Variants in NDUFA5 observed in about 807,000 individuals in gnomAD.
NDUFA5 encodes the protein NADH:ubiquinone oxidoreductase subunit A5, also known as NADH dehydrogenase [ubiquinone] 1 alpha subcomplex subunit 5.
A neutral mutation model predicts 19.8 loss-of-function variants in NDUFA5; 11 were observed. That is an observed-to-expected ratio of 0.56 (90% CI 0.35 to 0.92). The LOEUF is 0.92. Among genes scored for constraint, NDUFA5 ranks in the 40% least tolerant of loss-of-function variants. The pLI is 0.01. For synonymous variants in NDUFA5, 47 were observed against 46.8 expected (o/e 1.00, Z -0.01); for missense variants, 109 against 134.2 (o/e 0.81, Z 0.93).
chr7:123,547,538 A>G (rs1247504958), intron 3 of NDUFA5, among the ~76,000 whole-genome samples: 8 of 152,204 alleles, frequency 5.3e-5, no homozygotes, highest in Non-Finnish European at 7.4e-5. Context: ...TTGGTTAAAG[A>G]AGTGAATACA....
chr7:123,546,732 T>A, intron 3 of NDUFA5: 1 of 1,266,728 alleles, frequency 7.9e-7, no homozygotes, highest in Non-Finnish European at 1.0e-6. Flanking sequence ...GGTATCTGCA[T>A]CACTTGTTTC....
chr7:123,600,865 C>G, the NDUFA5 span, among the ~76,000 whole-genome samples: 9 of 151,766 alleles, frequency 5.9e-5, no homozygotes, highest in Non-Finnish European at 1.0e-4. Flanking sequence ...AGAGATGAGA[C>G]GAAAAACAAA....
chr7:123,557,713 G>T, intron 1 of NDUFA5, 62 bp downstream of exon 1: 1 of 1,613,994 alleles, frequency 6.2e-7, no homozygotes, highest in Non-Finnish European at 8.5e-7. Flanking sequence ...CGGGAAGTAG[G>T]GCTATCGGAC....
chr7:123,568,334 G>T, the NDUFA5 span, among the ~76,000 whole-genome samples: 1 of 151,692 alleles, frequency 6.6e-6, no homozygotes, highest in Admixed American at 6.6e-5. Context: ...CCAACGTGGA[G>T]AAACCCCATC....
chr7:123,590,732 T>A, the NDUFA5 span, among the ~76,000 whole-genome samples: 1 of 152,190 alleles, frequency 6.6e-6, no homozygotes, highest in African/African-American at 2.4e-5. Flanking sequence ...TCAGGTAGCG[T>A]GATGCCTCCA....
At chr7:123,581,082 C>A in the NDUFA5 span, among the ~76,000 whole-genome samples, 2 of 151,852 alleles carry the variant, frequency 1.3e-5, no homozygotes, top group Non-Finnish European at 2.9e-5. Flanking sequence ...TTAAAAATGG[C>A]TTGTATTTAC....
At chr7:123,553,178 T>C (rs1798419013) in intron 2 of NDUFA5, among the ~76,000 whole-genome samples, 1 of 152,328 alleles carries the variant, frequency 6.6e-6, no homozygotes, top group African/African-American at 2.4e-5. Context: ...AGTGTACTTA[T>C]CTGTTCTCAT....
chr7:123,568,805 T>A, the NDUFA5 span, among the ~76,000 whole-genome samples: 4 of 152,100 alleles, frequency 2.6e-5, no homozygotes, highest in Non-Finnish European at 2.9e-5. Context: ...GTAATTATTT[T>A]AAAAATGAAT....
chr7:123,555,248 T>C (rs192441291), intron 2 of NDUFA5: 1 of 152,284 alleles, frequency 6.6e-6, no homozygotes, highest in East Asian at 1.9e-4. Context: ...GAAAATCATA[T>C]GATTAGATTA....
the NDUFA5 span, among the ~76,000 whole-genome samples, chr7:123,594,325 G>T: frequency 6.6e-6 from 1 of 152,038 alleles, no homozygotes; most frequent in African/African-American, 2.4e-5. Flanking sequence ...TCCCTTGCTG[G>T]CAAGGAGTTG....
the NDUFA5 span, among the ~76,000 whole-genome samples, chr7:123,584,436 A>G: frequency 8.6e-5 from 13 of 151,920 alleles, no homozygotes; most frequent in African/African-American, 2.7e-4. Flanking sequence ...GGTGATTCCA[A>G]TGCAAGTCAA....
chr7:123,570,583 G>A, the NDUFA5 span, among the ~76,000 whole-genome samples: 1 of 152,152 alleles, frequency 6.6e-6, no homozygotes, highest in Non-Finnish European at 1.5e-5. Flanking sequence ...ACTCTAGCAG[G>A]CATGCCTGCT....
intron 2 of NDUFA5, chr7:123,551,608 C>A: frequency 1.7e-6 from 1 of 583,844 alleles, no homozygotes; most frequent in Non-Finnish European, 2.2e-6. Flanking sequence ...ATCATTACAT[C>A]TGTATGATCA....
chr7:123,548,272 CT>C (rs1481621937), intron 3 of NDUFA5, among the ~76,000 whole-genome samples: 2 of 152,100 alleles, frequency 1.3e-5, no homozygotes, highest in Non-Finnish European at 1.5e-5. Flanking sequence ...GGGGTTATAT[CT>C]AGCCTTTGGG....
the NDUFA5 span, among the ~76,000 whole-genome samples, chr7:123,568,952 A>G: frequency 1.3e-5 from 2 of 152,238 alleles, no homozygotes; most frequent in Non-Finnish European, 2.9e-5. Context: ...AATAAACATG[A>G]TAAAATGGGG....
the NDUFA5 span, among the ~76,000 whole-genome samples, chr7:123,576,607 T>C: frequency 3.1e-3 from 465 of 152,274 alleles, 2 homozygotes; most frequent in Non-Finnish European, 5.4e-3. Flanking sequence ...ATTCTCTGTG[T>C]AGCTCCACAT....
chr7:123,574,943 C>T, the NDUFA5 span, among the ~76,000 whole-genome samples: 1 of 141,882 alleles, frequency 7.0e-6, no homozygotes, highest in Non-Finnish European at 1.6e-5. Context: ...ATTTAAGACA[C>T]ATAGGGGAGA....
upstream of NDUFA5, among the ~76,000 whole-genome samples, chr7:123,561,854 C>T (rs1371617448): frequency 6.6e-6 from 1 of 151,820 alleles, no homozygotes; most frequent in African/African-American, 2.4e-5. Flanking sequence ...CCTCAGCCTT[C>T]CAAAGTGCTA....
At chr7:123,598,289 C>T in the NDUFA5 span, among the ~76,000 whole-genome samples, 1 of 151,950 alleles carries the variant, frequency 6.6e-6, no homozygotes, top group African/African-American at 2.4e-5. Flanking sequence ...ATTTTGATAA[C>T]AATGATATGA....
Sources: gnomAD v4.1 joint callset for allele counts (sites outside exome capture counted in the v4.1 genomes callset) on GRCh38, gnomAD v4.1.1 for gene constraint, MANE v1.5 for transcripts, NCBI Gene and HGNC (gene_info 2026-07-23, HGNC 2026-07-21) for gene names.